Variants in RSBN1 observed in about 807,000 individuals in gnomAD.
RSBN1 encodes round spermatid basic protein 1, also known as lysine-specific demethylase 9.
In RSBN1, 23 loss-of-function variants were observed where a neutral mutation model predicts 74.8. The ratio of observed to expected loss-of-function variants is 0.31; its 90% CI spans 0.22 to 0.44. RSBN1 has a LOEUF of 0.44. Ranked by LOEUF, RSBN1 falls within the 20% of genes least tolerant of loss-of-function variation. The pLI is 1.00. For synonymous variants in RSBN1, 407 were observed against 379.6 expected (o/e 1.07, Z -0.84); for missense variants, 808 against 1,020.9 (o/e 0.79, Z 2.84).
At chr1:113,796,948 A>T (rs1287080941) in intron 2 of RSBN1, among the ~76,000 whole-genome samples, 1 of 152,220 alleles carries the variant, frequency 6.6e-6, no homozygotes, top group Admixed American at 6.5e-5. Context: ...TTACTGAAAG[A>T]GATATAAAAA....
intron 1 of RSBN1, among the ~76,000 whole-genome samples, chr1:113,804,293 G>A (rs778964277): frequency 5.9e-5 from 9 of 152,192 alleles, no homozygotes; most frequent in Non-Finnish European, 4.4e-5. Flanking sequence ...GAAAGAAAAC[G>A]TATTTGCCAA....
At chr1:113,807,566 C>G (rs1660729833) in intron 1 of RSBN1, among the ~76,000 whole-genome samples, 1 of 151,752 alleles carries the variant, frequency 6.6e-6, no homozygotes, top group African/African-American at 2.4e-5. Flanking sequence ...TCGAGAACAG[C>G]CTGGCCAACA....
intron 3 of RSBN1, 129 bp from the exon 4 acceptor site, chr1:113,777,481 A>G (rs1490368488): frequency 2.1e-6 from 2 of 937,366 alleles, no homozygotes; most frequent in African/African-American, 3.3e-5. Context: ...TGCTATTTAC[A>G]TAGTAATTTA....
intron 4 of RSBN1, among the ~76,000 whole-genome samples, chr1:113,776,261 C>G (rs901031681): frequency 2.0e-5 from 3 of 152,124 alleles, no homozygotes; most frequent in Admixed American, 2.0e-4. Context: ...AAGCACACCT[C>G]AAATGTTAGT....
At chr1:113,794,742 C>T (rs1013936172) in intron 2 of RSBN1, among the ~76,000 whole-genome samples, 3 of 152,164 alleles carry the variant, frequency 2.0e-5, no homozygotes, top group Admixed American at 6.5e-5. Flanking sequence ...TTTCCCTATG[C>T]GTACCTCTAC....
At chr1:113,775,548 G>A (rs563743367) in intron 4 of RSBN1, among the ~76,000 whole-genome samples, 1 of 151,310 alleles carries the variant, frequency 6.6e-6, no homozygotes, top group Non-Finnish European at 1.5e-5. Context: ...TGTTGCCCAG[G>A]CTGGTCTTGA....
In RSBN1 at chr1:113,812,389, C is replaced by G; in HGVS notation, c.24G>C (p.Thr8=). MFISGRR[T]ADKWRAEERL... ...TCTCCTCCGCCCTCCACTTGTCGGCCGTTCTTCGTCCAGAGATGAACATGC... is the reference window on the plus strand; with the variant it reads ...TCTCCTCCGCCCTCCACTTGTCGGCGGTTCTTCGTCCAGAGATGAACATGC... Residue 8 remains threonine (T), a synonymous_variant, in exon 1 of 7, where the codon ACG becomes ACC. Coordinates refer to ENST00000261441, the MANE Select transcript of RSBN1 (RefSeq NM_018364.5). 1 of 1,600,820 alleles carries G rather than the reference C, an allele frequency of 6.2e-7. No homozygotes were observed. The highest frequency in any genetic ancestry group is 1.7e-4 in the Middle Eastern group (1 of 6,050).
At chr1:113,768,195 C>T in intron 5 of RSBN1, 27 bp downstream of exon 5, 2 of 1,573,142 alleles carry the variant, frequency 1.3e-6, no homozygotes, top group Non-Finnish European at 1.7e-6. Context: ...TATTAACCAA[C>T]CTTGCAGTTG....
intron 2 of RSBN1, among the ~76,000 whole-genome samples, chr1:113,786,076 T>C (rs1660237541): frequency 6.6e-6 from 1 of 152,196 alleles, no homozygotes; most frequent in Non-Finnish European, 1.5e-5. Flanking sequence ...GCTAATAACT[T>C]GATTTTAAAT....
intron 4 of RSBN1, among the ~76,000 whole-genome samples, chr1:113,776,578 G>A (rs140671428): frequency 0.029 from 4,474 of 152,262 alleles, 94 homozygotes; most frequent in Middle Eastern, 0.11. Flanking sequence ...GGCTGAGGCA[G>A]GAGGATCATT....
intron 6 of RSBN1, 84 bp from the exon 7 acceptor site, chr1:113,766,537 A>G: frequency 3.6e-6 from 3 of 842,812 alleles, no homozygotes; most frequent in Non-Finnish European, 5.6e-6. Flanking sequence ...AAAACAGTAG[A>G]AACAAAATGT....
In RSBN1 at chr1:113,777,416, C is replaced by G. The variant is rs532569013; in HGVS notation, c.1516-64G>C. ...TCAATGATTTATAAGTTAATCCTCC[C>G]ACCCAAATAAAAGTTCTAAGAAGGC... is the stretch of plus-strand genomic sequence containing the variant. On this transcript the variant is annotated intron_variant, in intron 3 of 6. Transcript: ENST00000261441. 1,666 of 1,500,704 alleles carry G rather than the reference C, an allele frequency of 1.1e-3. 36 individuals carry two copies. The South Asian group carries it at 0.021, about 18-fold the overall frequency. The allele number at this position is 1,500,704 out of a possible 1,614,324, so 93.0% of individuals were successfully genotyped here.
chr1:113,766,083 T>C lies in RSBN1; in HGVS notation c.2306A>G (p.Gln769Arg). 6.2e-7 allele frequency: 1 copy of C among 1,614,130 alleles called. No individual in the cohort carries two copies. Among genetic ancestry groups the C allele is most frequent in the East Asian group, 2.2e-5 (1 of 44,888 alleles). ...AATAGGCTGAGTCTTCTGATCTTGC[T>C]GTAGATTAAGTTCTGATGCAGGTGG... ...SFPPASELNL[Q>R]QDQKTQPIPV... The change falls in exon 7 of 7, where the codon CAG (glutamine) becomes CGG (arginine). Residue 769 changes from glutamine to arginine, a missense_variant. Transcript: ENST00000261441.
intron 2 of RSBN1, among the ~76,000 whole-genome samples, chr1:113,781,848 G>C (rs1660145979): frequency 6.6e-6 from 1 of 152,052 alleles, no homozygotes; most frequent in African/African-American, 2.4e-5. Flanking sequence ...CTTAATTCAG[G>C]AAATTATCAT....
intron 2 of RSBN1, among the ~76,000 whole-genome samples, chr1:113,779,503 A>G (rs772115939): frequency 5.9e-5 from 9 of 152,234 alleles, no homozygotes; most frequent in South Asian, 2.1e-4. Flanking sequence ...ATATATATTC[A>G]TATGAATTAC....
chr1:113,775,008 T>A (rs1659993102), intron 4 of RSBN1, among the ~76,000 whole-genome samples: 1 of 152,054 alleles, frequency 6.6e-6, no homozygotes, highest in South Asian at 2.1e-4. Flanking sequence ...AAGGTTAATA[T>A]GCCTAAATGG....
At chr1:113,772,553 C>T (rs1659905277) in intron 4 of RSBN1, among the ~76,000 whole-genome samples, 1 of 152,154 alleles carries the variant, frequency 6.6e-6, no homozygotes, top group African/African-American at 2.4e-5. Context: ...ACTCTGTACA[C>T]ATATTTCTTT....
In RSBN1 at chr1:113,812,070, G is replaced by A. The variant is rs1288927195; in HGVS notation, c.343C>T (p.Arg115Trp). 3.8e-6 allele frequency: 6 copies of A among 1,562,840 alleles called. No homozygotes were observed. Among genetic ancestry groups the A allele is most frequent in the Non-Finnish European group, 4.3e-6 (5 of 1,157,448 alleles). The change falls in exon 1 of 7, where the codon CGG becomes TGG. Residue 115 changes from arginine to tryptophan, a missense_variant. Transcript: ENST00000261441. ...QEPPLAPPHR[R>W]RRSRQHPGPL... is the part of the protein sequence containing the mutation. ...CCAGGATGTTGGCGGCTGCGACGCC[G>A]CCGGTGAGGGGGAGCGAGAGGGGGC...
chr1:113,812,333 G>A lies in RSBN1; in HGVS notation c.80C>T (p.Ala27Val). The A allele has an allele frequency of 1.2e-6, 2 of 1,603,648 alleles. No homozygotes were observed. Among genetic ancestry groups the A allele is most frequent in the Middle Eastern group, 1.7e-4 (1 of 6,058 alleles). ...RLQCPAGSAR[A>V]ALARCADGGA... ...CCCGTCCGCGCATCGCGCAAGCGCC[G>A]CCCGCGCACTGCCCGCTGGGCATTG... Residue 27 changes from alanine (A) to valine (V), a missense_variant, in exon 1 of 7, where the codon GCG becomes GTG. Around this residue, in one of 6 missense-constraint regions of RSBN1, gnomAD observed 464 missense variants for 401.0 expected, o/e 1.16. Coordinates refer to ENST00000261441, the MANE Select transcript of RSBN1 (RefSeq NM_018364.5).
Sources: allele counts gnomAD v4.1 joint callset (sites outside exome capture counted in the v4.1 genomes callset), GRCh38; gene constraint gnomAD v4.1.1; regional missense constraint gnomAD v4.1.1; transcripts MANE v1.5; gene names NCBI Gene and HGNC (gene_info 2026-07-23, HGNC 2026-07-21).